Variants in PDE4D observed in about 807,000 individuals in gnomAD.
The protein encoded by PDE4D is phosphodiesterase 4D, also known as 3',5'-cyclic-AMP phosphodiesterase 4D.
A neutral mutation model predicts 87.4 loss-of-function variants in PDE4D; 24 were observed. That is an observed-to-expected ratio of 0.27 (90% CI 0.20 to 0.39). PDE4D has a LOEUF of 0.39. Among genes scored for constraint, PDE4D ranks in the 10% least tolerant of loss-of-function variants. The pLI is 1.00. For synonymous variants in PDE4D, 384 were observed against 383.2 expected, an observed-to-expected ratio of 1.00 and a Z score of -0.02; for missense variants, 714 against 1,041.0, an observed-to-expected ratio of 0.69 and a Z score of 4.32.
At chr5:59,361,541 G>T (rs1782225189) in intron 1 of PDE4D, among the ~76,000 whole-genome samples, 1 of 152,102 alleles carries the variant, frequency 6.6e-6, no homozygotes, top group African/African-American at 2.4e-5. Flanking sequence ...AGGAGTGGTG[G>T]ATATAGGATT....
chr5:60,052,239 A>C (rs1770254348), intron 2 of PDE4D, among the ~76,000 whole-genome samples: 1 of 152,106 alleles, frequency 6.6e-6, no homozygotes, highest in Non-Finnish European at 1.5e-5. Context: ...CACAACAACG[A>C]AAAAATTTCA....
chr5:59,173,758 G>C (rs886675750), intron 5 of PDE4D, among the ~76,000 whole-genome samples: 4 of 152,174 alleles, frequency 2.6e-5, no homozygotes, highest in Non-Finnish European at 2.9e-5. Context: ...TGGTTGATGA[G>C]GAAGTAGGGC....
chr5:59,221,004 T>C (rs1445256962), intron 1 of PDE4D, among the ~76,000 whole-genome samples: 1 of 152,186 alleles, frequency 6.6e-6, no homozygotes, highest in Non-Finnish European at 1.5e-5. Flanking sequence ...ACTTTCCATG[T>C]TCCAGGCGCT....
chr5:60,071,587 A>G (rs1328193573), intron 2 of PDE4D, among the ~76,000 whole-genome samples: 1 of 152,120 alleles, frequency 6.6e-6, no homozygotes, highest in Non-Finnish European at 1.5e-5. Context: ...TTGGATCCAG[A>G]TATTAAAAAG....
chr5:59,492,570 T>G (rs956028012), intron 1 of PDE4D, among the ~76,000 whole-genome samples: 3 of 152,178 alleles, frequency 2.0e-5, no homozygotes, highest in Admixed American at 1.3e-4. Flanking sequence ...CAAATTAGTG[T>G]GAGAATACCT....
At chr5:59,374,937 G>A (rs1340043220) in intron 1 of PDE4D, among the ~76,000 whole-genome samples, 1 of 152,112 alleles carries the variant, frequency 6.6e-6, no homozygotes, top group Non-Finnish European at 1.5e-5. Context: ...AATGCCTTTT[G>A]GGTAAATAAT....
intron 1 of PDE4D, among the ~76,000 whole-genome samples, chr5:59,521,857 G>A (rs535362820): frequency 2.0e-5 from 3 of 152,314 alleles, no homozygotes; most frequent in African/African-American, 4.8e-5. Flanking sequence ...GTAGAAAAGT[G>A]TCTGGTACAT....
chr5:59,271,832 T>C (rs1284445174), intron 1 of PDE4D, among the ~76,000 whole-genome samples: 1 of 151,956 alleles, frequency 6.6e-6, no homozygotes, highest in East Asian at 1.9e-4. Context: ...TCATATATAA[T>C]ACTTTATTGA....
chr5:60,277,971 T>C (rs1442690303), intron 1 of PDE4D, among the ~76,000 whole-genome samples: 2 of 152,156 alleles, frequency 1.3e-5, no homozygotes, highest in Admixed American at 6.5e-5. Context: ...TTTAGAAAAC[T>C]CAGGAGAAGG....
intron 1 of PDE4D, among the ~76,000 whole-genome samples, chr5:60,376,098 G>A (rs887432730): frequency 3.3e-5 from 5 of 152,098 alleles, no homozygotes; most frequent in Admixed American, 6.6e-5. Flanking sequence ...GTCAGGCCTC[G>A]TCAGAAAGTC....
chr5:59,406,812 CTT>C (rs1791750392), intron 1 of PDE4D, among the ~76,000 whole-genome samples: 1 of 152,106 alleles, frequency 6.6e-6, no homozygotes, highest in South Asian at 2.1e-4. Context: ...AATGTGATAA[CTT>C]GTCATCTGTC....
rs560937843 is a variant in PDE4D, at chr5:59,603,839, C to T, written c.455+289329G>A. ...AAATAAGTTCAAGAAATCTATTGTA[C>T]AATATGGTGATTCTAGTCAATAACA... On this transcript the variant is annotated intron_variant, in intron 1 of 14. Coordinates refer to ENST00000340635, the MANE Select transcript of PDE4D (RefSeq NM_001104631.2). Among the ~76,000 whole-genome samples, 7 of 151,958 alleles carry T rather than the reference C, an allele frequency of 4.6e-5. No homozygotes were observed. In the South Asian group the frequency reaches 1.2e-3, roughly 27 times the overall value.
intron 1 of PDE4D, among the ~76,000 whole-genome samples, chr5:59,581,503 T>G (rs1416478861): frequency 3.9e-5 from 6 of 152,132 alleles, no homozygotes; most frequent in Non-Finnish European, 7.4e-5. Flanking sequence ...ATTTCTTATT[T>G]TTTTCCTTTT....
chr5:59,149,722 T>TTTTTTTTTA (rs1779202675), intron 5 of PDE4D, among the ~76,000 whole-genome samples: 1 of 148,698 alleles, frequency 6.7e-6, no homozygotes, highest in Non-Finnish European at 1.5e-5. Context: ...TTTTTTTTTT[T>TTTTTTTTTA]TTTTTTTTCG....
intron 2 of PDE4D, among the ~76,000 whole-genome samples, chr5:60,178,329 C>A (rs139968620): frequency 1.9e-4 from 29 of 152,148 alleles, no homozygotes; most frequent in African/African-American, 7.0e-4. Flanking sequence ...AAATAGACAA[C>A]AATACTACCC....
At chr5:60,146,195 C>T (rs1287977332) in intron 2 of PDE4D, among the ~76,000 whole-genome samples, 1 of 152,166 alleles carries the variant, frequency 6.6e-6, no homozygotes, top group Non-Finnish European at 1.5e-5. Context: ...GCCTGGGCAA[C>T]AAAGTGAGAC....
chr5:60,125,217 G>T (rs1478579005), intron 2 of PDE4D, among the ~76,000 whole-genome samples: 1 of 152,098 alleles, frequency 6.6e-6, no homozygotes, highest in East Asian at 1.9e-4. Context: ...TGAAAATCTT[G>T]ATCTCTCCCT....
chr5:59,822,625 T>C (rs1162210438), intron 1 of PDE4D, among the ~76,000 whole-genome samples: 1 of 152,196 alleles, frequency 6.6e-6, no homozygotes. Context: ...TAAATAGATC[T>C]TTACCACTCT....
intron 1 of PDE4D, among the ~76,000 whole-genome samples, chr5:59,714,364 C>G (rs566320265): frequency 6.6e-6 from 1 of 152,292 alleles, no homozygotes; most frequent in South Asian, 2.1e-4. Context: ...TTGCTGCAGC[C>G]AGGTGGAAAT....
Sources: gnomAD v4.1 joint callset for allele counts (sites outside exome capture counted in the v4.1 genomes callset) on GRCh38, gnomAD v4.1.1 for gene constraint, MANE v1.5 for transcripts, NCBI Gene and HGNC (gene_info 2026-07-23, HGNC 2026-07-21) for gene names.